Variants in CDC42BPA observed in about 807,000 individuals in gnomAD.
CDC42BPA encodes the protein CDC42 binding protein kinase alpha.
CDC42BPA carries 80 observed loss-of-function variants against 223.5 expected under a neutral mutation model. The observed-to-expected ratio is 0.36, with a 90% CI of 0.30 to 0.43. The LOEUF (loss-of-function observed/expected upper bound fraction) is 0.43, where lower values mean the gene tolerates loss of function less well. CDC42BPA is among the 20% of genes least tolerant of loss of function. CDC42BPA has a pLI of 1.00. For synonymous variants in CDC42BPA, 694 were observed against 718.6 expected (o/e 0.97, Z 0.55); for missense variants, 1,743 against 2,099.9 (o/e 0.83, Z 3.32).
intron 10 of CDC42BPA, among the ~76,000 whole-genome samples, chr1:227,138,543 C>A (rs1223652612): frequency 1.4e-4 from 5 of 34,954 alleles, no homozygotes; most frequent in East Asian, 6.3e-4. Flanking sequence ...AAAAAGAGAG[C>A]GTTATCAGAA....
At chr1:227,086,921 C>A (rs1055615453) in intron 16 of CDC42BPA, among the ~76,000 whole-genome samples, 1 of 152,102 alleles carries the variant, frequency 6.6e-6, no homozygotes, top group African/African-American at 2.4e-5. Flanking sequence ...GATCCTCATG[C>A]CTTAGACTCC....
chr1:227,041,827 C>T (rs891110400), intron 23 of CDC42BPA, among the ~76,000 whole-genome samples: 1 of 152,156 alleles, frequency 6.6e-6, no homozygotes, highest in Non-Finnish European at 1.5e-5. Flanking sequence ...TTATTACTAA[C>T]TCTGCAACTG....
chr1:227,288,161 ATCTTC>A, intron 1 of CDC42BPA, among the ~76,000 whole-genome samples: 1 of 152,274 alleles, frequency 6.6e-6, no homozygotes, highest in East Asian at 1.9e-4. Context: ...ACATACACAA[ATCTTC>A]TCTTCTCTCA....
intron 1 of CDC42BPA, among the ~76,000 whole-genome samples, chr1:227,268,668 A>ATATATATATGTGTGTATATATATATATG (rs1491340125): frequency 6.9e-6 from 1 of 144,514 alleles, no homozygotes; most frequent in African/African-American, 2.6e-5. Flanking sequence ...ATATATATAC[A>ATATATATATGTGTGTATATATATATATG]TATATATATA....
intron 5 of CDC42BPA, among the ~76,000 whole-genome samples, chr1:227,165,386 T>A (rs1489878320): frequency 6.6e-6 from 1 of 152,228 alleles, no homozygotes; most frequent in Non-Finnish European, 1.5e-5. Context: ...ACTTGATACA[T>A]GATTTGATGT....
intron 1 of CDC42BPA, chr1:227,264,916 A>G: frequency 7.6e-7 from 1 of 1,317,748 alleles, no homozygotes; most frequent in Non-Finnish European, 1.1e-6. Context: ...ATACCAGCTC[A>G]ATACCCCACT....
intron 1 of CDC42BPA, among the ~76,000 whole-genome samples, chr1:227,263,852 G>A (rs1684527197): frequency 6.6e-6 from 1 of 152,114 alleles, no homozygotes; most frequent in South Asian, 2.1e-4. Context: ...AAAGTGCTGG[G>A]ACTACAGGCA....
At chr1:227,144,792 C>T (rs923512616) in intron 8 of CDC42BPA, among the ~76,000 whole-genome samples, 1 of 152,036 alleles carries the variant, frequency 6.6e-6, no homozygotes, top group East Asian at 1.9e-4. Context: ...GGCTTGAGGT[C>T]TGTATTCACC....
In CDC42BPA at chr1:227,201,701, T is replaced by C. The variant is rs1671791703; in HGVS notation, c.355-2049A>G. 2.0e-5 allele frequency among the ~76,000 whole-genome samples: 3 copies of C among 151,932 alleles called. No homozygotes were observed. In the South Asian group the frequency reaches 6.2e-4, roughly 32 times the overall value. On this transcript the variant is annotated intron_variant, in intron 3 of 36. Transcript: ENST00000366766. ...CACATACACACACACACACAGATTA[T>C]ATATTCACATGGTATCCCACCTCCC...
intron 14 of CDC42BPA, chr1:227,112,074 ATTCT>A: frequency 3.0e-6 from 1 of 334,804 alleles, no homozygotes; most frequent in Non-Finnish European, 5.4e-6. Flanking sequence ...CTGCATAAAC[ATTCT>A]AACTCCCTCC....
chr1:227,120,032 T>C (rs1688384517), intron 11 of CDC42BPA, 95 bp from the exon 12 acceptor site: 1 of 929,816 alleles, frequency 1.1e-6, no homozygotes, highest in East Asian at 2.7e-5. Flanking sequence ...AAAATTGGTA[T>C]TTTCAATTTA....
intron 1 of CDC42BPA, among the ~76,000 whole-genome samples, chr1:227,310,832 AC>A (rs1364948800): frequency 6.7e-6 from 1 of 150,084 alleles, no homozygotes; most frequent in Non-Finnish European, 1.5e-5. Flanking sequence ...GACTACAGGC[AC>A]CCGTCACCGC....
At chr1:227,006,145 T>G (rs529330978) in intron 34 of CDC42BPA, among the ~76,000 whole-genome samples, 1 of 152,194 alleles carries the variant, frequency 6.6e-6, no homozygotes, top group Non-Finnish European at 1.5e-5. Flanking sequence ...CCCAGCCTCA[T>G]GTAAGCATCT....
intron 5 of CDC42BPA, among the ~76,000 whole-genome samples, chr1:227,189,489 T>C (rs947175899): frequency 2.2e-4 from 33 of 152,318 alleles, no homozygotes; most frequent in African/African-American, 7.5e-4. Flanking sequence ...CACTTTCATA[T>C]ACACATTTCA....
chr1:227,208,223 T>C (rs958697950), intron 3 of CDC42BPA, among the ~76,000 whole-genome samples: 1 of 151,540 alleles, frequency 6.6e-6, no homozygotes, highest in Non-Finnish European at 1.5e-5. Context: ...GTTTTTTTCT[T>C]GTAAATTTGT....
At chr1:227,019,249 ATT>A (rs796880396) in intron 32 of CDC42BPA, among the ~76,000 whole-genome samples, 1 of 150,552 alleles carries the variant, frequency 6.6e-6, no homozygotes, top group East Asian at 1.9e-4. Flanking sequence ...TCAAGAAACC[ATT>A]TTTTTTTGCT....
rs1222119198 is a variant in CDC42BPA, at chr1:226,992,183, T to C, written c.*2085A>G. On this transcript the variant is annotated 3_prime_UTR_variant, in exon 37 of 37. Transcript: ENST00000366766. Reference sequence around the variant, plus strand: ...CTGAGGACAAGGATCTACCAAGTCATATGACAATGATCCAACTAAAGGGCC... The same window carrying C: ...CTGAGGACAAGGATCTACCAAGTCACATGACAATGATCCAACTAAAGGGCC... 1 of 152,144 alleles carries C rather than the reference T, an allele frequency of 6.6e-6. No homozygotes were observed. The highest frequency in any genetic ancestry group is 1.5e-5 in the Non-Finnish European group (1 of 68,010). The allele number at this position is 152,144 out of a possible 1,614,324, so 9.4% of individuals were successfully genotyped here.
rs1355025705 is a variant in CDC42BPA at position 226,994,270 on chromosome 1, A to ACGGGTCC, written c.5256_5262dup (p.Ter1755GlyfsTer63). The ACGGGTCC allele has an allele frequency of 1.3e-6, 2 of 1,571,874 alleles. No individual in the cohort carries two copies. The highest frequency in any genetic ancestry group is 1.7e-6 in the Non-Finnish European group (2 of 1,154,604). The stretch of plus-strand genomic sequence containing the variant: ...AGAGGTCCCAGTGCTGAGGCAGCTC[A>ACGGGTCC]CGGGTCCCAGCTCCCGCGGTCAGTG... On this transcript the variant is annotated frameshift_variant, in exon 37 of 37. Coordinates refer to ENST00000366766, the MANE Select transcript of CDC42BPA (RefSeq NM_001394014.1). LOFTEE classifies it high-confidence loss of function. The surrounding 1 kb of genome is among the most constrained non-coding windows in gnomAD (Gnocchi z 4.0).
rs752203134 is a variant in CDC42BPA at position 227,139,604 on chromosome 1, T to C, written c.1362A>G (p.Glu454=). Residue 454 remains glutamate, a synonymous_variant, in exon 10 of 37, where the codon GAA becomes GAG. Coordinates refer to ENST00000366766, the MANE Select transcript of CDC42BPA (RefSeq NM_001394014.1). ...GAAGTTTTCTACTGAGTTCAAGTTT[T>C]TCTTGCTCAAGGCGCTTAATTCTTC... ...YERRIKRLEQ[E]KLELSRKLQE... is the part of the protein sequence containing the mutation. 1.2e-6 allele frequency: 2 copies of C among 1,600,736 alleles called. No individual in the cohort carries two copies. Among genetic ancestry groups the C allele is most frequent in the Non-Finnish European group, 1.7e-6 (2 of 1,175,646 alleles).
Sources: gnomAD v4.1 joint callset for allele counts (sites outside exome capture counted in the v4.1 genomes callset) on GRCh38, gnomAD v4.1.1 for gene constraint, Gnocchi (gnomAD v3.1) non-coding constraint, MANE v1.5 for transcripts, NCBI Gene and HGNC (gene_info 2026-07-23, HGNC 2026-07-21) for gene names.